The following SGCD variants were observed in gnomAD, a reference collection of about 807,000 sequenced individuals.
SGCD encodes the protein delta-sarcoglycan.
Under a neutral mutation model 36.6 loss-of-function variants are expected in SGCD, and 18 were observed. The observed-to-expected ratio is 0.49, with a 90% confidence interval of 0.34 to 0.73. The LOEUF is 0.73. Ranked by LOEUF, SGCD falls within the 30% of genes least tolerant of loss-of-function variation. The pLI is 0.01. For missense variants in SGCD, 387 were observed against 346.7 expected (o/e 1.12, Z -0.92); for synonymous variants, 133 against 130.6 (o/e 1.02, Z -0.12).
intron 1 of SGCD, among the ~76,000 whole-genome samples, chr5:156,111,897 G>A (rs895066434): frequency 6.6e-6 from 1 of 151,838 alleles, no homozygotes; most frequent in African/African-American, 2.4e-5. Context: ...TCCTGCCTCA[G>A]CCTCCTGAGT....
chr5:156,748,777 G>T (rs1757039115), intron 7 of SGCD, among the ~76,000 whole-genome samples: 1 of 152,082 alleles, frequency 6.6e-6, no homozygotes, highest in Admixed American at 6.5e-5. Flanking sequence ...TACATACTGA[G>T]ACAAAAAGGT....
chr5:155,897,448 A>G (rs1756290614), intron 1 of SGCD, among the ~76,000 whole-genome samples: 1 of 152,140 alleles, frequency 6.6e-6, no homozygotes, highest in South Asian at 2.1e-4. Flanking sequence ...AACACTGTCC[A>G]CTTAGACTAC....
At chr5:156,526,904 C>T (rs1477744211) in intron 4 of SGCD, among the ~76,000 whole-genome samples, 1 of 152,174 alleles carries the variant, frequency 6.6e-6, no homozygotes, top group Admixed American at 6.5e-5. Flanking sequence ...TTAAATGAAG[C>T]TTATACTAGA....
At chr5:156,484,867 G>T (rs1012118351) in intron 3 of SGCD, among the ~76,000 whole-genome samples, 1 of 152,160 alleles carries the variant, frequency 6.6e-6, no homozygotes, top group Non-Finnish European at 1.5e-5. Context: ...GGGTCATCTT[G>T]GTTAAATTAG....
At chr5:156,224,017 AAG>A (rs1395371220) in intron 3 of SGCD, among the ~76,000 whole-genome samples, 1 of 151,864 alleles carries the variant, frequency 6.6e-6, no homozygotes, top group Non-Finnish European at 1.5e-5. Flanking sequence ...TGTCAACACA[AAG>A]AAGTTACAAA....
intron 1 of SGCD, among the ~76,000 whole-genome samples, chr5:156,055,735 A>G (rs1389686888): frequency 6.8e-6 from 1 of 146,386 alleles, no homozygotes; most frequent in Non-Finnish European, 1.5e-5. Context: ...GTCAGTAAAT[A>G]TTTGTAGGAC....
the SGCD span, among the ~76,000 whole-genome samples, chr5:155,786,408 C>A: frequency 1.3e-5 from 2 of 152,260 alleles, no homozygotes; most frequent in East Asian, 3.9e-4. Flanking sequence ...GCAGAAACAT[C>A]CTGGGCAGAC....
At chr5:155,867,984 A>C (rs1447151463), upstream of SGCD, among the ~76,000 whole-genome samples, 1 of 152,186 alleles carries the variant, frequency 6.6e-6, no homozygotes, top group Non-Finnish European at 1.5e-5. Flanking sequence ...GAAACCAAGG[A>C]GTGGAAAATG....
chr5:156,622,248 C>T (rs1388822296), intron 6 of SGCD, among the ~76,000 whole-genome samples: 1 of 151,934 alleles, frequency 6.6e-6, no homozygotes, highest in Non-Finnish European at 1.5e-5. Context: ...GCCTGACCAA[C>T]ATGGTGAAAC....
At chr5:156,725,337 A>T (rs1278418198) in intron 7 of SGCD, among the ~76,000 whole-genome samples, 2 of 152,192 alleles carry the variant, frequency 1.3e-5, no homozygotes, top group Non-Finnish European at 2.9e-5. Flanking sequence ...GGGCCTCCTT[A>T]CTCTGAGGTT....
chr5:156,467,700 T>A (rs1431584609), intron 3 of SGCD, among the ~76,000 whole-genome samples: 2 of 152,222 alleles, frequency 1.3e-5, no homozygotes, highest in East Asian at 3.8e-4. Context: ...ACACATATAA[T>A]TAAATTGGAA....
intron 3 of SGCD, among the ~76,000 whole-genome samples, chr5:156,394,079 G>A (rs1771725934): frequency 6.6e-6 from 1 of 152,206 alleles, no homozygotes; most frequent in African/African-American, 2.4e-5. Context: ...GAATTCATGA[G>A]AATACAATAT....
chr5:156,759,146 C>T, intron 8 of SGCD, 71 bp from the exon 9 acceptor site: 1 of 1,173,526 alleles, frequency 8.5e-7, no homozygotes, highest in Admixed American at 1.7e-5. Flanking sequence ...CATTCACTTG[C>T]TGTTTCTGAA....
At chr5:156,418,630 C>A (rs1773156417) in intron 3 of SGCD, among the ~76,000 whole-genome samples, 1 of 152,202 alleles carries the variant, frequency 6.6e-6, no homozygotes, top group Non-Finnish European at 1.5e-5. Flanking sequence ...CTGACCCTTA[C>A]ATCTTCCACA....
At chr5:156,210,319 GA>G (rs1271886311) in intron 3 of SGCD, among the ~76,000 whole-genome samples, 1 of 152,142 alleles carries the variant, frequency 6.6e-6, no homozygotes, top group African/African-American at 2.4e-5. Context: ...GACTTTTCTG[GA>G]TAAAGCCGGT....
intron 1 of SGCD, among the ~76,000 whole-genome samples, chr5:155,911,959 C>T (rs1248106873): frequency 6.6e-6 from 1 of 152,098 alleles, no homozygotes; most frequent in Non-Finnish European, 1.5e-5. Context: ...GCTGGAAAAC[C>T]TTCACCACAT....
chr5:156,710,737 A>G (rs1160456793), intron 7 of SGCD, among the ~76,000 whole-genome samples: 1 of 152,226 alleles, frequency 6.6e-6, no homozygotes, highest in Admixed American at 6.5e-5. Flanking sequence ...TGTGAAGACC[A>G]AAGTTCTTAC....
chr5:155,983,834 T>G (rs1758276920), intron 1 of SGCD, among the ~76,000 whole-genome samples: 1 of 152,202 alleles, frequency 6.6e-6, no homozygotes, highest in Non-Finnish European at 1.5e-5. Flanking sequence ...GATTGTGGCT[T>G]CTTTATTGCT....
intron 3 of SGCD, among the ~76,000 whole-genome samples, chr5:156,247,450 T>C (rs78075242): frequency 2.6e-5 from 4 of 152,298 alleles, no homozygotes; most frequent in Non-Finnish European, 5.9e-5. Flanking sequence ...ATTATTTTAG[T>C]AGAACAAGAA....
Sources: allele counts gnomAD v4.1 joint callset (sites outside exome capture counted in the v4.1 genomes callset), GRCh38; gene constraint gnomAD v4.1.1; transcripts MANE v1.5; gene names NCBI Gene and HGNC (gene_info 2026-07-23, HGNC 2026-07-21).